Variants in PCDH11Y observed in about 807,000 individuals in gnomAD.
PCDH11Y encodes protocadherin-11 Y-linked.
For synonymous variants in PCDH11Y, 9 were observed against 83.6 expected, an observed-to-expected ratio of 0.11 and a Z score of 4.87; for missense variants, 12 against 224.8, an observed-to-expected ratio of 0.05 and a Z score of 6.05.
chrY:5,168,542 CATATATATATATATAT>C (rs61386097), intron 2 of PCDH11Y, among the ~76,000 whole-genome samples: 3 of 1,627 alleles, frequency 1.8e-3, no homozygotes, highest in East Asian at 0.014. Context: ...TCGTAGACAT[CATATATATATATATAT>C]ATATATATAT....
intron 4 of PCDH11Y, among the ~76,000 whole-genome samples, chrY:5,694,138 CATACGGTAATGCT>C (rs2053569935): frequency 3.1e-5 from 1 of 32,624 alleles, no homozygotes; most frequent in Admixed American, 2.8e-4. Flanking sequence ...ATGTCTCAAA[CATACGGTAATGCT>C]ATTATATGAC....
intron 2 of PCDH11Y, among the ~76,000 whole-genome samples, chrY:5,115,822 G>C (rs2052809213): frequency 3.9e-4 from 9 of 23,039 alleles, no homozygotes; most frequent in African/African-American, 1.6e-3. Context: ...CTCACTGCAA[G>C]CTCCGCCTCC....
intron 4 of PCDH11Y, among the ~76,000 whole-genome samples, chrY:5,665,236 G>A: frequency 3.0e-5 from 1 of 33,634 alleles, no homozygotes; most frequent in South Asian, 6.6e-4. Context: ...GATAAACTTC[G>A]AATATTTGAT....
At chrY:5,273,556 A>G (rs2053040000) in intron 2 of PCDH11Y, among the ~76,000 whole-genome samples, 1 of 34,053 alleles carries the variant, frequency 2.9e-5, no homozygotes, top group Middle Eastern at 0.014. Context: ...CTGGTTGACA[A>G]TTGGTTGAGT....
At chrY:5,655,207 G>A in intron 4 of PCDH11Y, among the ~76,000 whole-genome samples, 1 of 28,119 alleles carries the variant, frequency 3.6e-5, no homozygotes, top group African/African-American at 1.4e-4. Flanking sequence ...TTTGTTTTAC[G>A]GGGTTTGATA....
chrY:5,328,266 TC>T (rs2053124973), intron 2 of PCDH11Y, among the ~76,000 whole-genome samples: 1 of 33,689 alleles, frequency 3.0e-5, no homozygotes, highest in African/African-American at 1.2e-4. Flanking sequence ...GGGAGGAGGT[TC>T]TGGAGGAACG....
chrY:5,403,583 A>G (rs1308443436), intron 2 of PCDH11Y, among the ~76,000 whole-genome samples: 1 of 33,059 alleles, frequency 3.0e-5, no homozygotes. Context: ...CGCAATATAC[A>G]GCACACCGAG....
At chrY:5,341,824 C>T in intron 2 of PCDH11Y, among the ~76,000 whole-genome samples, 3 of 30,480 alleles carry the variant, frequency 9.8e-5, no homozygotes, top group African/African-American at 3.9e-4. Context: ...AGCGTGGTGG[C>T]GGACACCTAT....
intron 2 of PCDH11Y, among the ~76,000 whole-genome samples, chrY:5,417,432 G>A (rs2124679140): frequency 3.2e-5 from 1 of 31,672 alleles, no homozygotes; most frequent in South Asian, 7.4e-4. Flanking sequence ...AAAGGTGAGA[G>A]GCATGATAAA....
intron 3 of PCDH11Y, among the ~76,000 whole-genome samples, chrY:5,042,925 G>C: frequency 3.4e-5 from 1 of 29,199 alleles, no homozygotes; most frequent in African/African-American, 1.4e-4. Flanking sequence ...TGTTGTTGGT[G>C]TATAAGAATG....
intron 3 of PCDH11Y, among the ~76,000 whole-genome samples, chrY:5,038,001 C>T: frequency 3.1e-5 from 1 of 32,373 alleles, no homozygotes; most frequent in Admixed American, 2.9e-4. Flanking sequence ...AGTGTTAAAT[C>T]GGTGGTATTC....
chrY:5,440,393 G>T, intron 2 of PCDH11Y, among the ~76,000 whole-genome samples: 1 of 31,938 alleles, frequency 3.1e-5, no homozygotes, highest in African/African-American at 1.2e-4. Context: ...GGGGTAATCA[G>T]ATTGCTTACA....
chrY:5,494,786 C>T, intron 2 of PCDH11Y, among the ~76,000 whole-genome samples: 1 of 33,282 alleles, frequency 3.0e-5, no homozygotes, highest in Non-Finnish European at 7.4e-5. Flanking sequence ...CAGTGGCTCA[C>T]GCCTGTAATC....
chrY:5,382,269 C>G, intron 2 of PCDH11Y, among the ~76,000 whole-genome samples: 5 of 33,504 alleles, frequency 1.5e-4, no homozygotes, highest in African/African-American at 5.8e-4. Flanking sequence ...TACTATTCCT[C>G]TGGTGATCAT....
intron 2 of PCDH11Y, among the ~76,000 whole-genome samples, chrY:5,343,622 T>G: frequency 3.2e-5 from 1 of 31,260 alleles, no homozygotes; most frequent in South Asian, 7.4e-4. Context: ...TTTAATTAAT[T>G]TATTTGGTTT....
intron 2 of PCDH11Y, among the ~76,000 whole-genome samples, chrY:5,443,347 A>T (rs377644870): frequency 3.0e-5 from 1 of 33,604 alleles, no homozygotes; most frequent in South Asian, 6.5e-4. Flanking sequence ...ATGCAGAAGA[A>T]TAATATGACA....
At chrY:5,526,889 C>T (rs2053388420) in intron 3 of PCDH11Y, among the ~76,000 whole-genome samples, 2 of 32,143 alleles carry the variant, frequency 6.2e-5, no homozygotes, top group East Asian at 8.3e-4. Flanking sequence ...CTTAAAGGGT[C>T]GGAAGAATAA....
chrY:5,107,904 A>G (rs2124638128), downstream of PCDH11Y, among the ~76,000 whole-genome samples: 1 of 31,925 alleles, frequency 3.1e-5, no homozygotes, highest in East Asian at 8.4e-4. Flanking sequence ...CTAAAAATAC[A>G]AAAAATTAGC....
At chrY:5,224,912 A>G in intron 2 of PCDH11Y, among the ~76,000 whole-genome samples, 2 of 33,073 alleles carry the variant, frequency 6.0e-5, no homozygotes, top group East Asian at 7.9e-4. Context: ...AGTATTTAAT[A>G]TATTACATAT....
Sources: allele counts gnomAD v4.1 joint callset (sites outside exome capture counted in the v4.1 genomes callset), GRCh38; gene constraint gnomAD v4.1.1; transcripts MANE v1.5; gene names NCBI Gene and HGNC (gene_info 2026-07-23, HGNC 2026-07-21).